RBM26: variants seen among roughly 807,000 people sequenced by gnomAD.
RBM26 encodes the protein RNA-binding protein 26.
In RBM26, 30 loss-of-function variants were observed where a neutral mutation model predicts 123.6. The ratio of observed to expected loss-of-function variants is 0.24; its 90% CI spans 0.18 to 0.33. The LOEUF (loss-of-function observed/expected upper bound fraction) is 0.33. Among genes scored for constraint, RBM26 ranks in the 10% least tolerant of loss-of-function variants. RBM26 has a pLI of 1.00. For synonymous variants in RBM26, 400 were observed against 404.4 expected, an observed-to-expected ratio of 0.99 and a Z score of 0.13; for missense variants, 947 against 1,203.6, an observed-to-expected ratio of 0.79 and a Z score of 3.15.
intron 6 of RBM26, among the ~76,000 whole-genome samples, chr13:79,368,028 T>A (rs28455522): frequency 2.6e-4 from 1 of 3,900 alleles, no homozygotes; most frequent in Non-Finnish European, 7.6e-3. Flanking sequence ...TTTATTTTTT[T>A]ATTTTTATTT....
intron 20 of RBM26, among the ~76,000 whole-genome samples, chr13:79,323,053 A>G (rs1027220726): frequency 1.3e-5 from 2 of 151,336 alleles, no homozygotes; most frequent in Admixed American, 1.3e-4. Flanking sequence ...CAATGAAAGG[A>G]AAAAAAACCC....
intron 10 of RBM26, 56 bp from the exon 11 acceptor site, chr13:79,358,489 T>A (rs1054293406): frequency 1.5e-6 from 2 of 1,332,578 alleles, no homozygotes; most frequent in Admixed American, 2.2e-5. Flanking sequence ...CCTAACCAAA[T>A]ACAAGGGAAT....
At position 79,365,612 on chromosome 13, in the gene RBM26, T is replaced by A. The variant is rs774659473; in HGVS notation, c.1383A>T (p.Gly461=). ...RVHAQRPNLI[G]LTSGDMDLPP... is the part of the protein sequence containing the mutation. The stretch of plus-strand genomic sequence containing the variant: ...GCAAATCCATATCCCCTGATGTTAG[T>A]CCTATCAAGTTGGGCCTTTGTGCAT... Residue 461 remains glycine (G), a synonymous_variant, in exon 9 of 22, where the codon GGA becomes GGT. Transcript: ENST00000438737. 3.1e-6 allele frequency: 5 copies of A among 1,613,900 alleles called. No homozygotes were observed. In the South Asian group the frequency reaches 5.5e-5, roughly 18 times the overall value.
intron 4 of RBM26, among the ~76,000 whole-genome samples, 196 bp downstream of exon 4, chr13:79,371,646 A>C (rs991571631): frequency 6.6e-6 from 1 of 151,928 alleles, no homozygotes; most frequent in Non-Finnish European, 1.5e-5. Context: ...TATGTCAAGC[A>C]CTGTTCTAAA....
rs750281207 is a variant in RBM26, at chr13:79,366,623, AT to A, written c.1135+9del. On this transcript the variant is annotated intron_variant, in intron 7 of 21. Coordinates refer to ENST00000438737, the MANE Select transcript of RBM26 (RefSeq NM_001366735.2). The stretch of plus-strand genomic sequence containing the variant: ...TAGATAAATACAGGGAAACAAACAG[AT>A]TTACTTACCTGTAACAGGTGGGAGA... The A allele has an allele frequency of 6.6e-7, 1 of 1,521,598 alleles. No homozygotes were observed. The highest frequency in any genetic ancestry group is 8.8e-7 in the Non-Finnish European group (1 of 1,135,306). 94.3% of individuals were successfully genotyped at this position (1,521,598 alleles called of 1,614,324 possible). A position where few individuals can be genotyped will look rare whatever the true frequency, so the allele number is the denominator to read the frequency against.
intron 3 of RBM26, among the ~76,000 whole-genome samples, chr13:79,375,827 T>C (rs2076624794): frequency 6.6e-6 from 1 of 151,872 alleles, no homozygotes; most frequent in African/African-American, 2.4e-5. Context: ...GTATTATTTA[T>C]ATGTAATCTG....
intron 11 of RBM26, among the ~76,000 whole-genome samples, chr13:79,356,108 A>T (rs1246480415): frequency 1.3e-5 from 2 of 152,214 alleles, no homozygotes; most frequent in African/African-American, 4.8e-5. Flanking sequence ...CATGTCAGTA[A>T]TCCCAGCACT....
Position 79,342,810 on chromosome 13 carries a change from T to C in RBM26, c.2281A>G (p.Lys761Glu), listed in dbSNP as rs965155671. The change falls in exon 17 of 22, where the codon AAA (lysine) becomes GAA (glutamate). Residue 761 changes from lysine (K) to glutamate (E), a missense_variant. Coordinates refer to ENST00000438737, the MANE Select transcript of RBM26 (RefSeq NM_001366735.2). ...TQKMLISKLE[K>E]NKTMKSEDKA... The stretch of plus-strand genomic sequence containing the variant: ...TCTTCAGACTTCATTGTTTTGTTTT[T>C]CTCCAGTTTTGAAATTAACATCTGC... 1 of 1,595,306 alleles carries C rather than the reference T, an allele frequency of 6.3e-7. No homozygotes were observed. The highest frequency in any genetic ancestry group is 8.5e-7 in the Non-Finnish European group (1 of 1,172,216).
intron 21 of RBM26, among the ~76,000 whole-genome samples, chr13:79,321,569 C>T (rs2067673713): frequency 6.6e-6 from 1 of 151,262 alleles, no homozygotes; most frequent in Admixed American, 6.6e-5. Context: ...CTTCACTGGC[C>T]CGTACCTCTT....
intron 6 of RBM26, among the ~76,000 whole-genome samples, chr13:79,367,939 A>T (rs535543258): frequency 9.8e-5 from 15 of 152,318 alleles, no homozygotes; most frequent in African/African-American, 3.1e-4. Flanking sequence ...AATCTCTTAA[A>T]ACTAAAAAAA....
chr13:79,340,575 C>T (rs1330920575), intron 18 of RBM26, among the ~76,000 whole-genome samples: 1 of 151,902 alleles, frequency 6.6e-6, no homozygotes, highest in East Asian at 1.9e-4. Context: ...AATTCTCTCT[C>T]ATATCATATA....
At chr13:79,337,017 C>T in intron 19 of RBM26, 85 bp downstream of exon 19, 1 of 1,264,260 alleles carries the variant, frequency 7.9e-7, no homozygotes, top group Non-Finnish European at 1.1e-6. Flanking sequence ...TTACTTATGT[C>T]CTTTTCATAA....
rs192707817 is a variant in RBM26 at position 79,385,912 on chromosome 13, A to C, written c.72-7005T>G. On this transcript the variant is annotated intron_variant, in intron 1 of 21. Coordinates refer to ENST00000438737, the MANE Select transcript of RBM26 (RefSeq NM_001366735.2). ...ATGGCCCCCAAGCAGTTCCCAGCTT[A>C]CATTATTCTAACAGCTAGTGAAACC... is the stretch of plus-strand genomic sequence containing the variant. Among the ~76,000 whole-genome samples the C allele has an allele frequency of 3.2e-4, 49 of 152,126 alleles. 1 individual carries two copies. The East Asian group carries it at 9.1e-3, about 28-fold the overall frequency.
intron 1 of RBM26, among the ~76,000 whole-genome samples, chr13:79,404,685 T>A (rs970576979): frequency 1.3e-5 from 2 of 152,228 alleles, no homozygotes; most frequent in African/African-American, 4.8e-5. Context: ...TCCAAGACTT[T>A]GACACACATG....
intron 1 of RBM26, among the ~76,000 whole-genome samples, chr13:79,388,128 CT>C (rs2077641293): frequency 6.6e-6 from 1 of 152,184 alleles, no homozygotes; most frequent in Non-Finnish European, 1.5e-5. Flanking sequence ...CTAATCAAAC[CT>C]CTACATGCCA....
intron 1 of RBM26, among the ~76,000 whole-genome samples, chr13:79,392,367 C>T (rs1210825487): frequency 7.1e-6 from 1 of 140,298 alleles, no homozygotes; most frequent in Non-Finnish European, 1.5e-5. Flanking sequence ...ATGATGTAAC[C>T]ATTACTTTTT....
chr13:79,344,946 A>G, intron 14 of RBM26, 152 bp from the exon 15 acceptor site: 1 of 664,076 alleles, frequency 1.5e-6, no homozygotes, highest in Non-Finnish European at 2.3e-6. Context: ...ACGAAATCAT[A>G]TTTGGTGATT....
At chr13:79,354,272 T>C (rs2073681944) in intron 13 of RBM26, among the ~76,000 whole-genome samples, 167 bp downstream of exon 13, 1 of 149,474 alleles carries the variant, frequency 6.7e-6, no homozygotes, top group African/African-American at 2.5e-5. Flanking sequence ...GTTATGGTAA[T>C]GGTAAAAATT....
At position 79,334,380 on chromosome 13, in the gene RBM26, T is replaced by C; in HGVS notation, c.2784A>G (p.Ala928=). 6.4e-7 allele frequency: 1 copy of C among 1,570,716 alleles called. No homozygotes were observed. Among genetic ancestry groups the C allele is most frequent in the East Asian group, 2.3e-5 (1 of 43,006 alleles). The part of the protein sequence containing the change: ...DCQIDDSSLH[A]VITFKTRAEA... The stretch of plus-strand genomic sequence containing the variant: ...CTGCTCTTGTCTTGAATGTAATTAC[T>C]GCATGAAGTGAGGAATCATCAATCT... Residue 928 remains alanine, a synonymous_variant, in exon 20 of 22, where the codon GCA becomes GCG. Transcript: ENST00000438737.
Sources: gnomAD v4.1 joint callset for allele counts (sites outside exome capture counted in the v4.1 genomes callset) on GRCh38, gnomAD v4.1.1 for gene constraint, MANE v1.5 for transcripts, NCBI Gene and HGNC (gene_info 2026-07-23, HGNC 2026-07-21) for gene names.